Variants in GMDS observed in about 807,000 individuals in gnomAD.
GMDS encodes the protein GDP-mannose 4,6-dehydratase, also known as GDP-mannose 4,6 dehydratase.
A neutral mutation model predicts 49.9 loss-of-function variants in GMDS; 20 were observed. The observed-to-expected ratio is 0.40, with a 90% CI of 0.28 to 0.58. The LOEUF (loss-of-function observed/expected upper bound fraction) is 0.58, where lower values mean the gene tolerates loss of function less well. Among genes scored for constraint, GMDS ranks in the 20% least tolerant of loss-of-function variants. The pLI is 0.42. For missense variants in GMDS, 362 were observed against 481.4 expected, an observed-to-expected ratio of 0.75 and a Z score of 2.32; for synonymous variants, 177 against 178.6, an observed-to-expected ratio of 0.99 and a Z score of 0.07.
chr6:2,217,351 T>C (rs1780388159), intron 1 of GMDS, among the ~76,000 whole-genome samples: 1 of 152,198 alleles, frequency 6.6e-6, no homozygotes, highest in African/African-American at 2.4e-5. Context: ...AGCTGCCATA[T>C]ATTTTTAACA....
In GMDS at chr6:1,821,723, A is replaced by G. The variant is rs542047350; in HGVS notation, c.772-79137T>C. Reference sequence around the variant, plus strand: ...ACTCTGGTCAAAACATAACTGTGACATAATAAATTTTTAAAGAAGTCATGA... The same window carrying G: ...ACTCTGGTCAAAACATAACTGTGACGTAATAAATTTTTAAAGAAGTCATGA... On this transcript the variant is annotated intron_variant, in intron 7 of 10. Transcript: ENST00000380815. 4.0e-5 allele frequency among the ~76,000 whole-genome samples: 6 copies of G among 150,180 alleles called. No homozygotes were observed. In the East Asian group the frequency reaches 7.9e-4, roughly 20 times the overall value.
intron 9 of GMDS, among the ~76,000 whole-genome samples, chr6:1,703,164 T>C (rs1005260883): frequency 3.9e-5 from 6 of 152,156 alleles, no homozygotes; most frequent in African/African-American, 1.4e-4. Flanking sequence ...AGTTCCTGCA[T>C]GCTGGCTACG....
chr6:2,016,129 C>A, intron 4 of GMDS, among the ~76,000 whole-genome samples: 1 of 144,566 alleles, frequency 6.9e-6, no homozygotes, highest in Non-Finnish European at 1.5e-5. Context: ...CATGGTGGCA[C>A]ACAACTGTAG....
rs1043863493 is a variant in GMDS at position 1,635,473 on chromosome 6, G to A, written c.988-10933C>T. Among the ~76,000 whole-genome samples, 8 of 152,128 alleles carry A rather than the reference G, an allele frequency of 5.3e-5. No individual in the cohort carries two copies. Among genetic ancestry groups the A allele is most frequent in the Admixed American group, 1.3e-4 (2 of 15,276 alleles). ...CATCATAAAAGCCTGATTTATCGCCGGCCACCAAACATCTAGAAAATCATA... is the reference window on the plus strand; with the variant it reads ...CATCATAAAAGCCTGATTTATCGCCAGCCACCAAACATCTAGAAAATCATA... On this transcript the variant is annotated intron_variant, in intron 9 of 10. Transcript: ENST00000380815. The surrounding 1 kb of genome is among the most constrained non-coding windows in gnomAD (Gnocchi z 4.7).
chr6:1,974,833 C>T lies in GMDS; in HGVS notation c.346-13867G>A, dbSNP rs527268675. On this transcript the variant is annotated intron_variant, in intron 4 of 10. Coordinates refer to ENST00000380815, the MANE Select transcript of GMDS (RefSeq NM_001500.4). The stretch of plus-strand genomic sequence containing the variant: ...ATCACCTGAGGTCAGGAGTTCAAGA[C>T]CAGCCTGGCCAACATGGTGAAATCC... Among the ~76,000 whole-genome samples, 141 of 149,580 alleles carry T rather than the reference C, an allele frequency of 9.4e-4. 2 individuals carry two copies. The highest frequency in any genetic ancestry group is 3.3e-3 in the African/African-American group (133 of 40,474).
At chr6:1,848,331 T>C (rs980328186) in intron 7 of GMDS, among the ~76,000 whole-genome samples, 2 of 152,098 alleles carry the variant, frequency 1.3e-5, no homozygotes, top group African/African-American at 4.8e-5. Flanking sequence ...TCCCAGGTGA[T>C]TAAACGCCAC....
chr6:2,082,786 A>C (rs889247570), intron 4 of GMDS, among the ~76,000 whole-genome samples: 4 of 152,234 alleles, frequency 2.6e-5, no homozygotes, highest in Non-Finnish European at 5.9e-5. Flanking sequence ...ATGTTTTATA[A>C]AACATATTTC....
At chr6:2,003,777 G>T (rs1347112685) in intron 4 of GMDS, among the ~76,000 whole-genome samples, 1 of 152,092 alleles carries the variant, frequency 6.6e-6, no homozygotes, top group Non-Finnish European at 1.5e-5. Context: ...CCTTTCAAAG[G>T]TCAAGGAAAC....
intron 9 of GMDS, among the ~76,000 whole-genome samples, chr6:1,696,435 T>A (rs1177190339): frequency 6.6e-6 from 1 of 152,256 alleles, no homozygotes; most frequent in East Asian, 1.9e-4. Context: ...TAATTTTGGC[T>A]ACTTTAGTTG....
intron 6 of GMDS, among the ~76,000 whole-genome samples, chr6:1,948,865 A>AT (rs1475030036): frequency 1.3e-5 from 2 of 152,202 alleles, no homozygotes; most frequent in East Asian, 1.9e-4. Flanking sequence ...CTTACATTTT[A>AT]TTTTTTTGCA....
At chr6:1,866,774 C>G (rs1418271711) in intron 7 of GMDS, among the ~76,000 whole-genome samples, 1 of 152,200 alleles carries the variant, frequency 6.6e-6, no homozygotes, top group Non-Finnish European at 1.5e-5. Context: ...GCTGCTGAAC[C>G]TTGGGAGTAC....
At chr6:1,966,251 T>C (rs1239563068) in intron 4 of GMDS, among the ~76,000 whole-genome samples, 1 of 152,006 alleles carries the variant, frequency 6.6e-6, no homozygotes, top group East Asian at 1.9e-4. Flanking sequence ...CTCAATACTA[T>C]GGGATGATTA....
At chr6:1,883,992 T>C (rs1295931455) in intron 7 of GMDS, among the ~76,000 whole-genome samples, 1 of 152,234 alleles carries the variant, frequency 6.6e-6, no homozygotes, top group Non-Finnish European at 1.5e-5. Flanking sequence ...TGGCCATCTA[T>C]ATAATATTTA....
chr6:1,895,777 C>A lies in GMDS; in HGVS notation c.771+34326G>T, dbSNP rs192397365. ...GGTTTTGTACATAGTTCTCAGTTTA[C>A]TCACCACTTGGCCCCTCTCTTTGTT... On this transcript the variant is annotated intron_variant, in intron 7 of 10. Coordinates refer to ENST00000380815, the MANE Select transcript of GMDS (RefSeq NM_001500.4). 2.0e-5 allele frequency among the ~76,000 whole-genome samples: 3 copies of A among 152,278 alleles called. No individual in the cohort carries two copies. The East Asian group carries it at 5.8e-4, about 29-fold the overall frequency.
chr6:2,115,981 C>A, intron 3 of GMDS, 101 bp from the exon 4 acceptor site: 1 of 733,000 alleles, frequency 1.4e-6, no homozygotes, highest in Non-Finnish European at 2.4e-6. Context: ...GTCTGAAAAC[C>A]AGGGTCAAAA....
At chr6:1,975,300 C>T (rs773792580) in intron 4 of GMDS, among the ~76,000 whole-genome samples, 1 of 152,112 alleles carries the variant, frequency 6.6e-6, no homozygotes, top group Non-Finnish European at 1.5e-5. Context: ...AACCCATGGA[C>T]ATAATTCACC....
chr6:1,789,076 G>A (rs1769425241), intron 7 of GMDS, among the ~76,000 whole-genome samples: 1 of 152,228 alleles, frequency 6.6e-6, no homozygotes, highest in Non-Finnish European at 1.5e-5. Flanking sequence ...CAATAGTCAT[G>A]TAATGACAGT....
chr6:2,017,630 C>A lies in GMDS; in HGVS notation c.346-56664G>T, dbSNP rs116092176. On this transcript the variant is annotated intron_variant, in intron 4 of 10. Coordinates refer to ENST00000380815, the MANE Select transcript of GMDS (RefSeq NM_001500.4). ...AGCCCACAATTGACCCTTTTAACAA[C>A]ATAGGAATTAGGAGTGCCAACCCCC... Among the ~76,000 whole-genome samples, 692 of 152,094 alleles carry A rather than the reference C, an allele frequency of 4.5e-3. 4 individuals carry two copies. The highest frequency in any genetic ancestry group is 0.016 in the African/African-American group (644 of 41,498).
intron 4 of GMDS, among the ~76,000 whole-genome samples, chr6:2,066,733 G>A (rs961187557): frequency 5.3e-4 from 80 of 151,858 alleles, no homozygotes; most frequent in South Asian, 2.3e-3. Flanking sequence ...ATATATATGC[G>A]CCCAATACAG....
Sources: gnomAD v4.1 joint callset for allele counts (sites outside exome capture counted in the v4.1 genomes callset) on GRCh38, gnomAD v4.1.1 for gene constraint, Gnocchi (gnomAD v3.1) non-coding constraint, MANE v1.5 for transcripts, NCBI Gene and HGNC (gene_info 2026-07-23, HGNC 2026-07-21) for gene names.